The following EMILIN2 variants were observed in gnomAD, a reference collection of about 807,000 sequenced individuals.
EMILIN2 encodes the protein elastin microfibril interfacer 2.
In EMILIN2, 71 loss-of-function variants were observed where a neutral mutation model predicts 87.1. The ratio of observed to expected loss-of-function variants is 0.82; its 90% CI spans 0.67 to 0.99. EMILIN2 has a LOEUF of 0.99. Ranked by LOEUF, EMILIN2 falls within the 50% of genes least tolerant of loss-of-function variation. EMILIN2 has a pLI of 0.00. For synonymous variants in EMILIN2, 581 were observed against 563.4 expected (o/e 1.03, Z -0.44); for missense variants, 1,407 against 1,371.8 (o/e 1.03, Z -0.40).
chr18:2,850,385 A>G (rs989806016), intron 2 of EMILIN2, among the ~76,000 whole-genome samples: 1 of 151,722 alleles, frequency 6.6e-6, no homozygotes, highest in Non-Finnish European at 1.5e-5. Flanking sequence ...GACCTGTGGA[A>G]GGAAACCTGA....
rs150163317 is a variant in EMILIN2, at chr18:2,899,050, G to A, written c.2359+6564G>A. Reference sequence around the variant, plus strand: ...GTGTTCGGAGAATGGAGCTTTCCCAGAGCTGCATGCATAAATGCCTCTGGG... The same window carrying A: ...GTGTTCGGAGAATGGAGCTTTCCCAAAGCTGCATGCATAAATGCCTCTGGG... On this transcript the variant is annotated intron_variant, in intron 4 of 7. Transcript: ENST00000254528. Among the ~76,000 whole-genome samples the A allele has an allele frequency of 2.7e-4, 41 of 150,650 alleles. No individual in the cohort carries two copies. In the East Asian group the frequency reaches 5.3e-3, roughly 19 times the overall value.
rs538749022 is a variant in EMILIN2, at chr18:2,872,274, G to A, written c.258-12690G>A. Among the ~76,000 whole-genome samples, 7 of 152,306 alleles carry A rather than the reference G, an allele frequency of 4.6e-5. No individual in the cohort carries two copies. The East Asian group carries it at 7.7e-4, about 17-fold the overall frequency. On this transcript the variant is annotated intron_variant, in intron 2 of 7. Transcript: ENST00000254528. ...TGTCTTTCCTTCTACTAAGAATCAC[G>A]TGATCTGGGTTGGGTTTTCAATTTT... is the stretch of plus-strand genomic sequence containing the variant.
At chr18:2,907,114 C>A in intron 5 of EMILIN2, 29 bp downstream of exon 5, 1 of 1,231,064 alleles carries the variant, frequency 8.1e-7, no homozygotes, top group Non-Finnish European at 1.0e-6. Context: ...CGGGGAGGAG[C>A]GCGGGGCTCT....
At chr18:2,912,924 G>C in intron 7 of EMILIN2, 143 bp from the exon 8 acceptor site, 1 of 836,844 alleles carries the variant, frequency 1.2e-6, no homozygotes, top group Non-Finnish European at 1.8e-6. Flanking sequence ...ATAAAAAGCA[G>C]CTGAGGCAGG....
chr18:2,885,066 A>G lies in EMILIN2; in HGVS notation c.360A>G (p.Glu120=). Residue 120 remains glutamate, a synonymous_variant, in exon 3 of 8, where the codon GAA becomes GAG. Coordinates refer to ENST00000254528, the MANE Select transcript of EMILIN2 (RefSeq NM_032048.3). ...GCTTTAGAGGGGGAGATTGCCAAGA[A>G]GGTCCCAAAGACCCCGTGAAGACCC... The part of the protein sequence containing the change: ...CPGFRGGDCQ[E]GPKDPVKTLR... The G allele has an allele frequency of 6.2e-7, 1 of 1,613,878 alleles. No individual in the cohort carries two copies. Among genetic ancestry groups the G allele is most frequent in the Non-Finnish European group, 8.5e-7 (1 of 1,179,934 alleles).
rs1241966634 is a variant in EMILIN2 at position 2,847,368 on chromosome 18, C to G, written c.134+46C>G. 6 of 1,270,928 alleles carry G rather than the reference C, an allele frequency of 4.7e-6. No homozygotes were observed. The highest frequency in any genetic ancestry group is 6.0e-6 in the Non-Finnish European group (6 of 1,006,826). 78.7% of individuals were successfully genotyped at this position (1,270,928 alleles called of 1,614,324 possible). On this transcript the variant is annotated intron_variant, in intron 1 of 7. Transcript: ENST00000254528. The surrounding 1 kb of genome is among the most constrained non-coding windows in gnomAD (Gnocchi z 4.5). Reference sequence around the variant, plus strand: ...TGGCCCCAAACCGCCTACCCCTCCCCGGCCCCCAGTTGAGCCCCAGAGCTG... The same window carrying G: ...TGGCCCCAAACCGCCTACCCCTCCCGGGCCCCCAGTTGAGCCCCAGAGCTG...
chr18:2,874,016 T>C (rs1284912731), intron 2 of EMILIN2, among the ~76,000 whole-genome samples: 1 of 152,178 alleles, frequency 6.6e-6, no homozygotes, highest in Non-Finnish European at 1.5e-5. Flanking sequence ...ACTTTACTGA[T>C]GACTGTCAAA....
chr18:2,902,076 G>A (rs2076890375), intron 4 of EMILIN2, among the ~76,000 whole-genome samples: 1 of 152,126 alleles, frequency 6.6e-6, no homozygotes. Flanking sequence ...AGGGTGTAAT[G>A]GATATATTAA....
chr18:2,912,148 C>T (rs2076944115), intron 7 of EMILIN2, among the ~76,000 whole-genome samples: 2 of 150,418 alleles, frequency 1.3e-5, no homozygotes, highest in Non-Finnish European at 2.9e-5. Context: ...AAGGGATTCT[C>T]GTGCCTCAGC....
chr18:2,909,761 CGTT>C lies in EMILIN2; in HGVS notation c.2769_2771del (p.Val924del). 6.2e-7 allele frequency: 1 copy of C among 1,612,846 alleles called. No individual in the cohort carries two copies. The highest frequency in any genetic ancestry group is 8.5e-7 in the Non-Finnish European group (1 of 1,179,660). On this transcript the variant is annotated inframe_deletion, in exon 7 of 8. Transcript: ENST00000254528. ...AGAAGCCTTTCCCCAGTGATGGGGGCGTTGTCCTCTTTAACAAAGTGCTGGTGA... is the reference window on the plus strand; with the variant it reads ...AGAAGCCTTTCCCCAGTGATGGGGGCGTCCTCTTTAACAAAGTGCTGGTGA...
chr18:2,864,316 T>C (rs905894350), intron 2 of EMILIN2, among the ~76,000 whole-genome samples: 5 of 152,322 alleles, frequency 3.3e-5, no homozygotes, highest in African/African-American at 9.6e-5. Flanking sequence ...TTCCTAGCCT[T>C]GATGGTCTTT....
rs765704528 is a variant in EMILIN2, at chr18:2,891,111, G to A, written c.984G>A (p.Glu328=). 1.2e-6 allele frequency: 2 copies of A among 1,614,210 alleles called. No homozygotes were observed. Among genetic ancestry groups the A allele is most frequent in the South Asian group, 2.2e-5 (2 of 91,088 alleles). Residue 328 remains glutamate (E), a synonymous_variant, in exon 4 of 8, where the codon GAG becomes GAA. Transcript: ENST00000254528. This position sits in a 1 kb window ranked among gnomAD's most constrained non-coding sequence, Gnocchi z 4.6. ...GTAAGATCGACGCCCTGAGAGAGGA[G>A]CTCATGGAGGGCATGGACAGAAAGC... The part of the protein sequence containing the change: ...VDSKIDALRE[E]LMEGMDRKLA...
rs749351309 is a variant in EMILIN2 at position 2,892,375 on chromosome 18, T to A, written c.2248T>A (p.Ser750Thr). The A allele has an allele frequency of 1.2e-6, 2 of 1,614,072 alleles. No individual in the cohort carries two copies. The highest frequency in any genetic ancestry group is 2.2e-5 in the South Asian group (2 of 91,074). ...CAGGCAGATGAACGGAACGCTCAGGTCGCATTCCAGAGACATTTCTGGCCT... is the reference window on the plus strand; with the variant it reads ...CAGGCAGATGAACGGAACGCTCAGGACGCATTCCAGAGACATTTCTGGCCT... Reference protein sequence around the residue: ...CVRQMNGTLRSHSRDISGLKN... With the variant: ...CVRQMNGTLRTHSRDISGLKN... Residue 750 changes from serine (S) to threonine (T), a missense_variant, in exon 4 of 8, where the codon TCG (serine) becomes ACG (threonine). Transcript: ENST00000254528.
chr18:2,874,865 G>A (rs1298175463), intron 2 of EMILIN2, among the ~76,000 whole-genome samples: 7 of 152,244 alleles, frequency 4.6e-5, no homozygotes, highest in African/African-American at 1.7e-4. Flanking sequence ...CGATGCTTCT[G>A]AGTGACTGGC....
At chr18:2,897,601 C>T (rs543571680) in intron 4 of EMILIN2, among the ~76,000 whole-genome samples, 4 of 152,292 alleles carry the variant, frequency 2.6e-5, no homozygotes, top group South Asian at 2.1e-4. Context: ...CGCGGTGGCT[C>T]ATGCCTGTAA....
chr18:2,889,692 CTTTTTTTTTTTTTTT>C (rs34248672), intron 3 of EMILIN2, among the ~76,000 whole-genome samples: 3 of 96,656 alleles, frequency 3.1e-5, no homozygotes, highest in African/African-American at 8.1e-5. Context: ...TTTTTCTTTT[CTTTTTTTTTTTTTTT>C]TTTTTTTAAA....
Position 2,891,030 on chromosome 18 carries a change from T to C in EMILIN2, c.903T>C (p.Ala301=). 6.2e-7 allele frequency: 1 copy of C among 1,614,100 alleles called. No individual in the cohort carries two copies. Among genetic ancestry groups the C allele is most frequent in the Non-Finnish European group, 8.5e-7 (1 of 1,180,030 alleles). ...EGQLRQLQEA[A]QGPTVTMTTN... is the part of the protein sequence containing the mutation. ...AGCTCAGACAGCTCCAGGAAGCAGCTCAGGGCCCGACGGTGACCATGACAA... is the reference window on the plus strand; with the variant it reads ...AGCTCAGACAGCTCCAGGAAGCAGCCCAGGGCCCGACGGTGACCATGACAA... The change falls in exon 4 of 8, where the codon GCT becomes GCC. Residue 301 remains alanine (A), a synonymous_variant. Transcript: ENST00000254528. The surrounding 1 kb of genome is among the most constrained non-coding windows in gnomAD (Gnocchi z 4.6).
intron 4 of EMILIN2, among the ~76,000 whole-genome samples, chr18:2,905,381 GAT>G (rs199920595): frequency 4.0e-5 from 6 of 149,818 alleles, no homozygotes; most frequent in African/African-American, 9.8e-5. Context: ...GTACAGAGTA[GAT>G]ATATATATAT....
intron 4 of EMILIN2, 169 bp from the exon 5 acceptor site, chr18:2,906,614 G>A: frequency 2.0e-6 from 1 of 499,378 alleles, no homozygotes; most frequent in Non-Finnish European, 3.1e-6. Context: ...GGCGTCCTCG[G>A]AAGATGCGGG....
Sources: allele counts gnomAD v4.1 joint callset (sites outside exome capture counted in the v4.1 genomes callset), GRCh38; gene constraint gnomAD v4.1.1; non-coding constraint Gnocchi (gnomAD v3.1); transcripts MANE v1.5; gene names NCBI Gene and HGNC (gene_info 2026-07-23, HGNC 2026-07-21).